CPNE4: variants seen among roughly 807,000 people sequenced by gnomAD.
The protein encoded by CPNE4 is copine-4.
In CPNE4, 25 loss-of-function variants were observed where a neutral mutation model predicts 67.9. The observed-to-expected ratio is 0.37, with a 90% CI of 0.27 to 0.51. The LOEUF is 0.51. Among genes scored for constraint, CPNE4 ranks in the 20% least tolerant of loss-of-function variants. The probability of loss-of-function intolerance (pLI) is 0.93; values close to 1 mark genes in which losing one functional copy is unlikely to be tolerated. For missense variants in CPNE4, 464 were observed against 690.8 expected (o/e 0.67, Z 3.68); for synonymous variants, 242 against 244.9 (o/e 0.99, Z 0.11).
intron 7 of CPNE4, among the ~76,000 whole-genome samples, chr3:131,605,371 T>C (rs1939441265): frequency 6.6e-6 from 1 of 152,136 alleles, no homozygotes; most frequent in South Asian, 2.1e-4. Context: ...TGAGTAGTTT[T>C]TCAGCCCTTA....
intron 1 of CPNE4, among the ~76,000 whole-genome samples, chr3:132,005,492 G>A (rs1275637654): frequency 1.3e-5 from 2 of 151,582 alleles, no homozygotes; most frequent in Non-Finnish European, 2.9e-5. Flanking sequence ...GATTATACAG[G>A]ATTGGTCAAC....
At position 131,762,579 on chromosome 3, in the gene CPNE4, A is replaced by G. The variant is rs984340484; in HGVS notation, c.181-38954T>C. Among the ~76,000 whole-genome samples the G allele has an allele frequency of 2.0e-5, 3 of 152,072 alleles. No individual in the cohort carries two copies. The South Asian group carries it at 6.2e-4, about 32-fold the overall frequency. Reference sequence around the variant, plus strand: ...ATAGAACAGTGAATGTGAGAGAAAAAAAACGTAGATTCATGGAATTTATAT... The same window carrying G: ...ATAGAACAGTGAATGTGAGAGAAAAGAAACGTAGATTCATGGAATTTATAT... On this transcript the variant is annotated intron_variant, in intron 2 of 15. Coordinates refer to ENST00000429747, the MANE Select transcript of CPNE4 (RefSeq NM_130808.3).
At chr3:131,563,019 C>T (rs1466507671) in intron 11 of CPNE4, among the ~76,000 whole-genome samples, 1 of 152,008 alleles carries the variant, frequency 6.6e-6, no homozygotes, top group Middle Eastern at 3.2e-3. Flanking sequence ...CTGGTGATGA[C>T]CAAGCTGAAT....
chr3:131,821,693 G>A (rs183240217), intron 2 of CPNE4, among the ~76,000 whole-genome samples: 1 of 152,258 alleles, frequency 6.6e-6, no homozygotes, highest in African/African-American at 2.4e-5. Flanking sequence ...TTAGAAAGGA[G>A]GAACATAGCT....
At chr3:131,958,542 T>A (rs2072050411) in intron 1 of CPNE4, among the ~76,000 whole-genome samples, 1 of 151,412 alleles carries the variant, frequency 6.6e-6, no homozygotes, top group Admixed American at 6.6e-5. Context: ...AGACCTGGAG[T>A]CAAATTCAAA....
chr3:131,555,428 T>C, intron 12 of CPNE4, 69 bp downstream of exon 12: 1 of 1,399,342 alleles, frequency 7.1e-7, no homozygotes, highest in Non-Finnish European at 1.0e-6. Context: ...GTGAGACTGC[T>C]GCAAAGAAGA....
At chr3:131,835,451 C>T (rs925809082) in intron 2 of CPNE4, among the ~76,000 whole-genome samples, 6 of 152,094 alleles carry the variant, frequency 3.9e-5, no homozygotes, top group African/African-American at 1.4e-4. Context: ...ATCGCTTGAA[C>T]CTAGGAAGTA....
At chr3:131,615,523 C>A (rs554403522) in intron 7 of CPNE4, among the ~76,000 whole-genome samples, 5 of 152,040 alleles carry the variant, frequency 3.3e-5, no homozygotes, top group Non-Finnish European at 7.4e-5. Flanking sequence ...AATTGAAGAA[C>A]CCTTAGTCAA....
chr3:131,573,282 C>T (rs1937426411), intron 10 of CPNE4, among the ~76,000 whole-genome samples: 1 of 152,032 alleles, frequency 6.6e-6, no homozygotes, highest in Non-Finnish European at 1.5e-5. Flanking sequence ...TCACACCTCC[C>T]ACAGGTCTAT....
intron 1 of CPNE4, among the ~76,000 whole-genome samples, chr3:131,955,187 T>A (rs2071910008): frequency 6.6e-6 from 1 of 151,734 alleles, no homozygotes; most frequent in Non-Finnish European, 1.5e-5. Context: ...GAGATGTGCA[T>A]CCTTGTCTCA....
intron 7 of CPNE4, among the ~76,000 whole-genome samples, chr3:131,640,780 T>C (rs1444105182): frequency 6.6e-6 from 1 of 152,034 alleles, no homozygotes; most frequent in Non-Finnish European, 1.5e-5. Context: ...TATAAGGCCA[T>C]AGTCACCAAA....
chr3:131,966,340 A>G (rs1349976150), intron 1 of CPNE4, among the ~76,000 whole-genome samples: 2 of 152,312 alleles, frequency 1.3e-5, no homozygotes, highest in East Asian at 3.9e-4. Flanking sequence ...AACAAATTCA[A>G]AAGCTAGCAG....
Position 131,806,765 on chromosome 3 carries a change from C to G in CPNE4, c.181-83140G>C, listed in dbSNP as rs548227798. ...TGCTCTGGTTTCTAACATGTGGTCA[C>G]TCCATGTCCCTTGCCTCTGGAGAAC... On this transcript the variant is annotated intron_variant, in intron 2 of 15. Coordinates refer to ENST00000429747, the MANE Select transcript of CPNE4 (RefSeq NM_130808.3). 5.3e-5 allele frequency among the ~76,000 whole-genome samples: 8 copies of G among 152,298 alleles called. 1 individual carries two copies. In the South Asian group the frequency reaches 1.5e-3, roughly 28 times the overall value.
At chr3:131,890,010 T>A (rs937904346) in intron 2 of CPNE4, among the ~76,000 whole-genome samples, 6 of 151,906 alleles carry the variant, frequency 3.9e-5, no homozygotes, top group Non-Finnish European at 7.4e-5. Flanking sequence ...TAGAAAAAAA[T>A]TATCAAAATT....
chr3:131,541,266 G>A (rs16836964), intron 15 of CPNE4, among the ~76,000 whole-genome samples: 21,758 of 152,190 alleles, frequency 0.14, 1,684 homozygotes, highest in African/African-American at 0.2. Context: ...AATTCAAGAT[G>A]TCCTTCTGGG....
intron 1 of CPNE4, among the ~76,000 whole-genome samples, chr3:131,974,745 C>G (rs111551602): frequency 6.6e-6 from 1 of 152,104 alleles, no homozygotes; most frequent in Non-Finnish European, 1.5e-5. Context: ...CAGTGGCTCA[C>G]GTATGTAATC....
intron 3 of CPNE4, among the ~76,000 whole-genome samples, chr3:131,713,052 T>G (rs1203339594): frequency 2.6e-5 from 4 of 151,842 alleles, no homozygotes; most frequent in Non-Finnish European, 5.9e-5. Context: ...GGCACACTGA[T>G]AGGGTGGTCT....
intron 1 of CPNE4, among the ~76,000 whole-genome samples, chr3:131,907,019 AAAC>A (rs2088798275): frequency 6.6e-6 from 1 of 152,136 alleles, no homozygotes; most frequent in South Asian, 2.1e-4. Context: ...AGAAAAAAAC[AAAC>A]AACCCCATCA....
intron 2 of CPNE4, among the ~76,000 whole-genome samples, chr3:131,836,941 G>C (rs2108009007): frequency 6.6e-6 from 1 of 152,170 alleles, no homozygotes; most frequent in African/African-American, 2.4e-5. Flanking sequence ...CTTCACCAAA[G>C]ATACACAGAT....
Sources: allele counts gnomAD v4.1 joint callset (sites outside exome capture counted in the v4.1 genomes callset), GRCh38; gene constraint gnomAD v4.1.1; transcripts MANE v1.5; gene names NCBI Gene and HGNC (gene_info 2026-07-23, HGNC 2026-07-21).